Variants in PRKCA observed in about 807,000 individuals in gnomAD.
PRKCA encodes protein kinase C alpha, also known as protein kinase C alpha type.
PRKCA carries 27 observed loss-of-function variants against 87.0 expected under a neutral mutation model. That is an observed-to-expected ratio of 0.31 (90% CI 0.23 to 0.43). The LOEUF is 0.43. Among genes scored for constraint, PRKCA ranks in the 20% least tolerant of loss-of-function variants. The pLI is 1.00. For synonymous variants in PRKCA, 329 were observed against 311.1 expected (o/e 1.06, Z -0.61); for missense variants, 518 against 852.3 (o/e 0.61, Z 4.88).
intron 16 of PRKCA, among the ~76,000 whole-genome samples, chr17:66,791,006 A>T (rs561774911): frequency 0.027 from 3,812 of 140,970 alleles, 50 homozygotes; most frequent in Non-Finnish European, 0.032. Flanking sequence ...TTTTTTTTTT[A>T]AATTATTATA....
chr17:66,529,340 C>G (rs1167467591), intron 3 of PRKCA, among the ~76,000 whole-genome samples: 1 of 152,094 alleles, frequency 6.6e-6, no homozygotes, highest in African/African-American at 2.4e-5. Flanking sequence ...AGCAGCTGAC[C>G]TGGTGGGCTT....
intron 3 of PRKCA, among the ~76,000 whole-genome samples, chr17:66,561,108 A>T (rs1968666936): frequency 2.0e-5 from 3 of 152,228 alleles, no homozygotes; most frequent in Non-Finnish European, 4.4e-5. Flanking sequence ...TCCACAAAAC[A>T]TATCATTTTA....
chr17:66,696,366 A>G (rs1972922593), intron 8 of PRKCA: 1 of 152,208 alleles, frequency 6.6e-6, no homozygotes, highest in Non-Finnish European at 1.5e-5. Flanking sequence ...ACCACTTCCC[A>G]GCTGATGATC....
chr17:66,595,463 CTTTTTT>C (rs374376124), intron 3 of PRKCA, among the ~76,000 whole-genome samples: 1 of 116,554 alleles, frequency 8.6e-6, no homozygotes, highest in Non-Finnish European at 1.7e-5. Context: ...TCTTTTCCTT[CTTTTTT>C]TTTTTTTTTT....
intron 3 of PRKCA, among the ~76,000 whole-genome samples, chr17:66,602,650 G>A (rs1229846995): frequency 1.3e-5 from 2 of 152,270 alleles, no homozygotes; most frequent in Non-Finnish European, 2.9e-5. Flanking sequence ...TATGAGGGAT[G>A]TTGTAGTATA....
At chr17:66,360,165 C>T (rs1220747528) in intron 2 of PRKCA, among the ~76,000 whole-genome samples, 1 of 152,140 alleles carries the variant, frequency 6.6e-6, no homozygotes, top group African/African-American at 2.4e-5. Flanking sequence ...TTACCAAGAC[C>T]CTAACTGTAT....
intron 3 of PRKCA, among the ~76,000 whole-genome samples, chr17:66,627,559 G>T (rs541330692): frequency 6.6e-6 from 1 of 152,212 alleles, no homozygotes; most frequent in Admixed American, 6.5e-5. Flanking sequence ...GGAAGGGCAG[G>T]TGCTAACAGA....
At chr17:66,603,991 C>T (rs376270354) in intron 3 of PRKCA, among the ~76,000 whole-genome samples, 2 of 151,992 alleles carry the variant, frequency 1.3e-5, no homozygotes, top group Non-Finnish European at 2.9e-5. Context: ...ATGGATATAC[C>T]GCCCTTTGTC....
intron 2 of PRKCA, among the ~76,000 whole-genome samples, chr17:66,422,739 A>G (rs926906261): frequency 6.6e-6 from 1 of 152,190 alleles, no homozygotes; most frequent in African/African-American, 2.4e-5. Flanking sequence ...CTTATTTTTA[A>G]CACAGTGGTT....
intron 8 of PRKCA, among the ~76,000 whole-genome samples, chr17:66,722,723 T>A (rs555262039): frequency 6.6e-6 from 1 of 152,310 alleles, no homozygotes; most frequent in South Asian, 2.1e-4. Context: ...GGCATCACAA[T>A]GCCAAACTTG....
At chr17:66,560,614 A>G (rs1363795728) in intron 3 of PRKCA, among the ~76,000 whole-genome samples, 5 of 152,134 alleles carry the variant, frequency 3.3e-5, no homozygotes, top group African/African-American at 1.2e-4. Flanking sequence ...ATCTGATCAC[A>G]CTGAATTGTT....
intron 3 of PRKCA, among the ~76,000 whole-genome samples, chr17:66,559,356 A>T (rs1968610196): frequency 1.3e-5 from 2 of 151,546 alleles, no homozygotes; most frequent in South Asian, 4.2e-4. Context: ...GGCGCCTGTA[A>T]TCCCAGCTAC....
intron 2 of PRKCA, among the ~76,000 whole-genome samples, chr17:66,327,228 G>A (rs1188145651): frequency 6.6e-6 from 1 of 151,922 alleles, no homozygotes; most frequent in East Asian, 1.9e-4. Context: ...TTAGCTGAGT[G>A]TGGTGGTGGG....
Position 66,805,077 on chromosome 17 carries a change from C to T in PRKCA, c.*1040C>T, listed in dbSNP as rs1183868845. On this transcript the variant is annotated 3_prime_UTR_variant, in exon 17 of 17. Coordinates refer to ENST00000413366, the MANE Select transcript of PRKCA (RefSeq NM_002737.3). ...ATGGAAGTGCTGACTCTAGCATCAG[C>T]CTCTACCGATTGATTTTCCTCCCTT... 6.1e-6 allele frequency: 6 copies of T among 982,430 alleles called. No individual in the cohort carries two copies. The African/African-American group carries it at 7.0e-5, about 11-fold the overall frequency. The allele number at this position is 982,430 out of a possible 1,614,324, so 60.9% of individuals were successfully genotyped here.
chr17:66,782,772 C>T (rs552842482), intron 14 of PRKCA, among the ~76,000 whole-genome samples: 2 of 152,342 alleles, frequency 1.3e-5, no homozygotes, highest in East Asian at 3.9e-4. Context: ...GTACCCTCTG[C>T]CTCACTTCAC....
chr17:66,747,139 A>G (rs1345960862), intron 13 of PRKCA, among the ~76,000 whole-genome samples: 1 of 152,190 alleles, frequency 6.6e-6, no homozygotes, highest in Non-Finnish European at 1.5e-5. Flanking sequence ...TAGCAATCAT[A>G]GCTCCATGCA....
chr17:66,548,409 C>A (rs565389120), intron 3 of PRKCA, among the ~76,000 whole-genome samples: 1 of 152,168 alleles, frequency 6.6e-6, no homozygotes, highest in African/African-American at 2.4e-5. Flanking sequence ...GAGAGATCTA[C>A]TGTGAGCAAA....
At position 66,456,708 on chromosome 17, in the gene PRKCA, A is replaced by G. The variant is rs1914589241; in HGVS notation, c.206-39493A>G. On this transcript the variant is annotated intron_variant, in intron 2 of 16. Coordinates refer to ENST00000413366, the MANE Select transcript of PRKCA (RefSeq NM_002737.3). ...AATGAAATAGATGGCAGAAAAGACA[A>G]AGGCCAAAAAATCCGCTGCACCTAC... Among the ~76,000 whole-genome samples, 6 of 152,298 alleles carry G rather than the reference A, an allele frequency of 3.9e-5. No homozygotes were observed. The South Asian group carries it at 1.2e-3, about 32-fold the overall frequency.
In PRKCA at chr17:66,553,786, G is replaced by T. The variant is rs146623798; in HGVS notation, c.288+57503G>T. On this transcript the variant is annotated intron_variant, in intron 3 of 16. Transcript: ENST00000413366. ...TTTTTCAGGTACCGTGCCAGGGCCT[G>T]TGAGGGAACCAAGACGTGTAAGACA... 2.5e-3 allele frequency among the ~76,000 whole-genome samples: 374 copies of T among 152,290 alleles called. 1 individual carries two copies. The highest frequency in any genetic ancestry group is 0.017 in the Middle Eastern group (5 of 294).
Sources: gnomAD v4.1 joint callset for allele counts (sites outside exome capture counted in the v4.1 genomes callset) on GRCh38, gnomAD v4.1.1 for gene constraint, MANE v1.5 for transcripts, NCBI Gene and HGNC (gene_info 2026-07-23, HGNC 2026-07-21) for gene names.